The following OSBPL9 variants were observed in gnomAD, a reference collection of about 807,000 sequenced individuals.
OSBPL9 encodes the protein oxysterol-binding protein-related protein 9.
In OSBPL9, 40 loss-of-function variants were observed where a neutral mutation model predicts 106.6. That is an observed-to-expected ratio of 0.38 (90% CI 0.29 to 0.49). The LOEUF (loss-of-function observed/expected upper bound fraction) is 0.49, where lower values mean the gene tolerates loss of function less well. Ranked by LOEUF, OSBPL9 falls within the 20% of genes least tolerant of loss-of-function variation. OSBPL9 has a pLI of 0.97. For synonymous variants in OSBPL9, 269 were observed against 295.4 expected, an observed-to-expected ratio of 0.91 and a Z score of 0.92; for missense variants, 609 against 887.2, an observed-to-expected ratio of 0.69 and a Z score of 3.98.
chr1:51,579,398 C>T (rs939962303), intron 1 of OSBPL9, among the ~76,000 whole-genome samples: 2 of 152,176 alleles, frequency 1.3e-5, no homozygotes, highest in African/African-American at 4.8e-5. Context: ...GTTGTGCTTT[C>T]TGGGCACCTA....
At chr1:51,649,000 C>G (rs1423483559) in intron 1 of OSBPL9, among the ~76,000 whole-genome samples, 2 of 152,114 alleles carry the variant, frequency 1.3e-5, no homozygotes, top group Non-Finnish European at 2.9e-5. Flanking sequence ...TTTAGTAGCT[C>G]CCCATTAACT....
intron 4 of OSBPL9, among the ~76,000 whole-genome samples, chr1:51,723,874 T>A (rs1252200670): frequency 6.6e-6 from 1 of 152,146 alleles, no homozygotes; most frequent in Non-Finnish European, 1.5e-5. Flanking sequence ...TACCAAGGAG[T>A]GCCATTGTTG....
intron 3 of OSBPL9, among the ~76,000 whole-genome samples, chr1:51,692,360 A>G (rs1338676620): frequency 6.6e-6 from 1 of 152,184 alleles, no homozygotes; most frequent in Non-Finnish European, 1.5e-5. Flanking sequence ...ATAGTATAGT[A>G]AATACATAAA....
chr1:51,612,567 A>G (rs1456862947), upstream of OSBPL9, among the ~76,000 whole-genome samples: 1 of 152,216 alleles, frequency 6.6e-6, no homozygotes, highest in Non-Finnish European at 1.5e-5. Flanking sequence ...GTAGTTTGAC[A>G]CTTTGTGTAG....
At chr1:51,557,584 G>T in the OSBPL9 span, among the ~76,000 whole-genome samples, 1 of 152,136 alleles carries the variant, frequency 6.6e-6, no homozygotes, top group Non-Finnish European at 1.5e-5. Context: ...AACTGTGTTC[G>T]ACTAAAGCCT....
chr1:51,616,027 T>TTG (rs1553150114), upstream of OSBPL9, among the ~76,000 whole-genome samples: 19 of 147,418 alleles, frequency 1.3e-4, no homozygotes, highest in South Asian at 6.5e-4. Flanking sequence ...TTTTTTTTTT[T>TTG]TGTGTGAGAG....
chr1:51,534,146 G>T, the OSBPL9 span, among the ~76,000 whole-genome samples: 1 of 151,532 alleles, frequency 6.6e-6, no homozygotes, highest in Non-Finnish European at 1.5e-5. Context: ...GGAGTTTGCA[G>T]TGAGCTGAGA....
chr1:51,616,993 G>C (rs944705601), upstream of OSBPL9: 6 of 1,494,558 alleles, frequency 4.0e-6, no homozygotes, highest in African/African-American at 8.3e-5. Context: ...AGCATCTGCC[G>C]GCACCGCCCA....
At chr1:51,641,501 A>T (rs977850229) in intron 1 of OSBPL9, among the ~76,000 whole-genome samples, 1 of 152,216 alleles carries the variant, frequency 6.6e-6, no homozygotes, top group Admixed American at 6.5e-5. Context: ...ATAGTTTGTG[A>T]AATTAATTTT....
intron 21 of OSBPL9, 76 bp downstream of exon 21, chr1:51,785,962 T>A: frequency 8.4e-7 from 1 of 1,197,208 alleles, no homozygotes; most frequent in Non-Finnish European, 1.2e-6. Context: ...CTTCCTTCAT[T>A]AGTACTTCCT....
intron 1 of OSBPL9, among the ~76,000 whole-genome samples, chr1:51,595,634 T>C (rs1557579159): frequency 6.6e-6 from 1 of 152,172 alleles, no homozygotes; most frequent in Non-Finnish European, 1.5e-5. Flanking sequence ...TTCATGTCAT[T>C]TCTACAACAA....
intron 11 of OSBPL9, 64 bp from the exon 12 acceptor site, chr1:51,765,758 C>T: frequency 7.1e-7 from 1 of 1,418,368 alleles, no homozygotes; most frequent in East Asian, 2.5e-5. Flanking sequence ...TCTGCTTTGA[C>T]TCCATCTCCC....
intron 3 of OSBPL9, among the ~76,000 whole-genome samples, chr1:51,708,690 T>C (rs1659158414): frequency 6.6e-6 from 1 of 152,226 alleles, no homozygotes; most frequent in African/African-American, 2.4e-5. Flanking sequence ...TTTCTTTCAG[T>C]CTCGTATATT....
chr1:51,772,772 G>A, intron 14 of OSBPL9, 49 bp downstream of exon 14: 1 of 1,248,222 alleles, frequency 8.0e-7, no homozygotes, highest in South Asian at 1.2e-5. Flanking sequence ...TGGATTCTCA[G>A]TGATTGCGTG....
intron 3 of OSBPL9, among the ~76,000 whole-genome samples, chr1:51,674,848 GGAA>G (rs987447051): frequency 2.9e-4 from 44 of 152,266 alleles, no homozygotes; most frequent in African/African-American, 9.1e-4. Flanking sequence ...GGGCCACATT[GGAA>G]GAAGAATTGT....
At chr1:51,761,531 T>A (rs1671504243) in intron 10 of OSBPL9, among the ~76,000 whole-genome samples, 2 of 152,206 alleles carry the variant, frequency 1.3e-5, no homozygotes, top group South Asian at 4.1e-4. Flanking sequence ...GAGGAACAGG[T>A]ACTGTACTCC....
At chr1:51,701,525 A>G (rs1657236890) in intron 3 of OSBPL9, among the ~76,000 whole-genome samples, 1 of 152,172 alleles carries the variant, frequency 6.6e-6, no homozygotes, top group African/African-American at 2.4e-5. Context: ...ACTTGTCTGT[A>G]GTTACAGAAT....
At position 51,788,159 on chromosome 1, in the gene OSBPL9, C is replaced by T. The variant is rs1019623406; in HGVS notation, c.*370C>T. The T allele has an allele frequency of 8.7e-6, 2 of 230,284 alleles. No individual in the cohort carries two copies. The allele number at this position is 230,284 out of a possible 1,614,324, so 14.3% of individuals were successfully genotyped here. ...TTAGTTCATATAATCTCGGGATACACACACACACACACATATATATACACA... is the reference window on the plus strand; with the variant it reads ...TTAGTTCATATAATCTCGGGATACATACACACACACACATATATATACACA... On this transcript the variant is annotated 3_prime_UTR_variant, in exon 24 of 24. Transcript: ENST00000428468.
At chr1:51,596,975 A>C (rs1645303269) in intron 1 of OSBPL9, among the ~76,000 whole-genome samples, 2 of 152,136 alleles carry the variant, frequency 1.3e-5, no homozygotes, top group Admixed American at 1.3e-4. Flanking sequence ...GAGATGGAGA[A>C]AGCTTTCATG....
Sources: gnomAD v4.1 joint callset for allele counts (sites outside exome capture counted in the v4.1 genomes callset) on GRCh38, gnomAD v4.1.1 for gene constraint, MANE v1.5 for transcripts, NCBI Gene and HGNC (gene_info 2026-07-23, HGNC 2026-07-21) for gene names.